Variants in RAPGEF5 observed in about 807,000 individuals in gnomAD.
RAPGEF5 encodes the protein Rap guanine nucleotide exchange factor 5.
Under a neutral mutation model 125.2 loss-of-function variants are expected in RAPGEF5, and 65 were observed. The ratio of observed to expected loss-of-function variants is 0.52; its 90% confidence interval spans 0.43 to 0.64. The LOEUF (loss-of-function observed/expected upper bound fraction) is 0.64, where lower values mean the gene tolerates loss of function less well. Among genes scored for constraint, RAPGEF5 ranks in the 30% least tolerant of loss-of-function variants. The pLI is 0.00. For missense variants in RAPGEF5, 958 were observed against 1,048.1 expected (o/e 0.91, Z 1.19); for synonymous variants, 391 against 385.9 (o/e 1.01, Z -0.16).
In RAPGEF5 at chr7:22,357,152, A is replaced by T. The variant is rs2128391113; in HGVS notation, c.-92T>A. ...CTTCGCCAGGAAGCGAGAGGGCGCG[A>T]CTGCGGCTCGGGCGCGGGGCGCGCT... On this transcript the variant is annotated 5_prime_UTR_variant, in exon 1 of 26. Transcript: ENST00000665637. 1.5e-6 allele frequency: 1 copy of T among 665,112 alleles called. No homozygotes were observed. The highest frequency in any genetic ancestry group is 1.3e-4 in the East Asian group (1 of 7,960). The allele number at this position is 665,112 out of a possible 1,614,324, so 41.2% of individuals were successfully genotyped here.
At chr7:22,197,758 C>G (rs1389637871) in intron 9 of RAPGEF5, among the ~76,000 whole-genome samples, 1 of 152,290 alleles carries the variant, frequency 6.6e-6, no homozygotes, top group East Asian at 1.9e-4. Flanking sequence ...CAATAGTTAG[C>G]CAGGTCTTGA....
intron 8 of RAPGEF5, among the ~76,000 whole-genome samples, chr7:22,221,293 A>G (rs919149207): frequency 6.6e-6 from 1 of 152,194 alleles, no homozygotes; most frequent in African/African-American, 2.4e-5. Flanking sequence ...GGATTGTTGG[A>G]AAGTCCCTTA....
intron 7 of RAPGEF5, among the ~76,000 whole-genome samples, chr7:22,254,193 T>A (rs571123727): frequency 6.6e-6 from 1 of 151,988 alleles, no homozygotes; most frequent in Non-Finnish European, 1.5e-5. Context: ...CAATATTACA[T>A]ACATATACTT....
chr7:22,347,371 T>G (rs951709679), intron 1 of RAPGEF5, among the ~76,000 whole-genome samples: 1 of 152,212 alleles, frequency 6.6e-6, no homozygotes, highest in Non-Finnish European at 1.5e-5. Flanking sequence ...CTATGATATT[T>G]CTATAAACTA....
chr7:22,168,767 A>G (rs1047182007), intron 11 of RAPGEF5, among the ~76,000 whole-genome samples: 1 of 152,224 alleles, frequency 6.6e-6, no homozygotes, highest in Non-Finnish European at 1.5e-5. Flanking sequence ...TGGTTGCAGA[A>G]TATCAAGGAA....
chr7:22,230,835 A>T lies in RAPGEF5; in HGVS notation c.870+11T>A. Reference sequence around the variant, plus strand: ...GGGTATGATGAGGGGCTGTCACAGAATTGATCATACCTGAGAATCTGGAAC... The same window carrying T: ...GGGTATGATGAGGGGCTGTCACAGATTTGATCATACCTGAGAATCTGGAAC... On this transcript the variant is annotated intron_variant, in intron 8 of 25. Coordinates refer to ENST00000665637, the MANE Select transcript of RAPGEF5 (RefSeq NM_012294.5). 6.4e-7 allele frequency: 1 copy of T among 1,562,218 alleles called. No individual in the cohort carries two copies. The highest frequency in any genetic ancestry group is 8.7e-7 in the Non-Finnish European group (1 of 1,150,624).
At chr7:22,274,470 C>G (rs775991109) in intron 6 of RAPGEF5, among the ~76,000 whole-genome samples, 1 of 152,136 alleles carries the variant, frequency 6.6e-6, no homozygotes, top group Non-Finnish European at 1.5e-5. Flanking sequence ...CCTGAGAGGA[C>G]AGGCACACAC....
chr7:22,169,858 T>G (rs1784292388), intron 11 of RAPGEF5, among the ~76,000 whole-genome samples: 1 of 238 alleles, frequency 4.2e-3, no homozygotes, highest in Admixed American at 0.1. Context: ...AGACTCTGTG[T>G]CAAAAAAAAA....
At chr7:22,240,322 GT>G (rs113862025) in intron 7 of RAPGEF5, among the ~76,000 whole-genome samples, 23,756 of 145,056 alleles carry the variant, frequency 0.16, 1,951 homozygotes, top group Admixed American at 0.21. Context: ...ACAGGTTTGG[GT>G]TTTTTTTTTT....
intron 9 of RAPGEF5, among the ~76,000 whole-genome samples, chr7:22,208,308 G>A (rs1583482895): frequency 6.6e-6 from 1 of 152,060 alleles, no homozygotes; most frequent in Non-Finnish European, 1.5e-5. Context: ...AAATTATTTA[G>A]GCCATCAACA....
At chr7:22,298,735 T>C (rs558509596) in intron 5 of RAPGEF5, 29 of 152,378 alleles carry the variant, frequency 1.9e-4, no homozygotes, top group African/African-American at 4.3e-4. Context: ...AGTAAACTTA[T>C]GTAAGCCCAT....
At chr7:22,345,563 G>A (rs1391506180) in intron 1 of RAPGEF5, among the ~76,000 whole-genome samples, 1 of 152,176 alleles carries the variant, frequency 6.6e-6, no homozygotes, top group African/African-American at 2.4e-5. Flanking sequence ...AAATAAGAAT[G>A]TATATGAAAG....
chr7:22,161,074 A>G (rs1010035422), intron 13 of RAPGEF5, among the ~76,000 whole-genome samples: 2 of 149,820 alleles, frequency 1.3e-5, no homozygotes, highest in Non-Finnish European at 3.0e-5. Context: ...CATGCGTGGT[A>G]GCGGGCGCCT....
chr7:22,298,893 T>C (rs1012539531), intron 5 of RAPGEF5, among the ~76,000 whole-genome samples: 11 of 152,190 alleles, frequency 7.2e-5, no homozygotes, highest in African/African-American at 2.2e-4. Context: ...AATGATCACA[T>C]AGTTGTTCAT....
At chr7:22,226,686 C>A (rs1209002501) in intron 8 of RAPGEF5, among the ~76,000 whole-genome samples, 3 of 152,142 alleles carry the variant, frequency 2.0e-5, no homozygotes, top group Non-Finnish European at 4.4e-5. Flanking sequence ...TGGTATGGGC[C>A]TCGAACACCA....
chr7:22,340,380 G>A (rs1784102852), intron 1 of RAPGEF5, among the ~76,000 whole-genome samples: 3 of 152,202 alleles, frequency 2.0e-5, no homozygotes, highest in Admixed American at 2.0e-4. Context: ...GGGGAAGTAA[G>A]GAGATGAATC....
At chr7:22,213,479 T>C (rs1388968406) in intron 9 of RAPGEF5, among the ~76,000 whole-genome samples, 3 of 152,230 alleles carry the variant, frequency 2.0e-5, no homozygotes, top group African/African-American at 7.2e-5. Context: ...GTATAAATTC[T>C]TTCCCCAGCT....
intron 1 of RAPGEF5, among the ~76,000 whole-genome samples, chr7:22,352,684 T>C (rs1268207755): frequency 6.6e-6 from 1 of 152,238 alleles, no homozygotes; most frequent in Non-Finnish European, 1.5e-5. Flanking sequence ...TGGTTCTCAC[T>C]GGAGATTGTT....
intron 24 of RAPGEF5, among the ~76,000 whole-genome samples, chr7:22,129,794 A>T: frequency 6.6e-6 from 1 of 152,174 alleles, no homozygotes; most frequent in Non-Finnish European, 1.5e-5. Context: ...GTTAAAATGG[A>T]GATAAAGCAA....
Sources: gnomAD v4.1 joint callset for allele counts (sites outside exome capture counted in the v4.1 genomes callset) on GRCh38, gnomAD v4.1.1 for gene constraint, MANE v1.5 for transcripts, NCBI Gene and HGNC (gene_info 2026-07-23, HGNC 2026-07-21) for gene names.